The following DIP2B variants were observed in gnomAD, a reference collection of about 807,000 sequenced individuals.
DIP2B encodes disco-interacting protein 2 homolog B.
DIP2B carries 76 observed loss-of-function variants against 198.0 expected under a neutral mutation model. That is an observed-to-expected ratio of 0.38 (90% confidence interval 0.32 to 0.46). DIP2B has a LOEUF of 0.46. Among genes scored for constraint, DIP2B ranks in the 20% least tolerant of loss-of-function variants. The pLI, the probability that DIP2B is intolerant of heterozygous loss-of-function variation, is 0.99. For synonymous variants in DIP2B, 701 were observed against 739.1 expected, an observed-to-expected ratio of 0.95 and a Z score of 0.84; for missense variants, 1,559 against 1,978.4, an observed-to-expected ratio of 0.79 and a Z score of 4.02.
chr12:50,739,300 T>G, intron 35 of DIP2B, 109 bp from the exon 36 acceptor site: 1 of 1,243,990 alleles, frequency 8.0e-7, no homozygotes, highest in Non-Finnish European at 1.1e-6. Context: ...TGCAGTTGTG[T>G]TGTTGTTAAT....
chr12:50,695,383 C>T (rs1487797772), intron 15 of DIP2B, 23 bp downstream of exon 15: 1 of 1,581,938 alleles, frequency 6.3e-7, no homozygotes, highest in Non-Finnish European at 8.7e-7. Context: ...AACATCTGAG[C>T]TTTAATTATG....
intron 9 of DIP2B, among the ~76,000 whole-genome samples, chr12:50,682,288 G>A (rs1358395633): frequency 6.6e-6 from 1 of 152,122 alleles, no homozygotes; most frequent in Non-Finnish European, 1.5e-5. Flanking sequence ...TAGAACATTT[G>A]CATTGTTGGG....
chr12:50,539,032 G>A (rs1225960788), intron 1 of DIP2B, among the ~76,000 whole-genome samples: 5 of 152,034 alleles, frequency 3.3e-5, no homozygotes, highest in Admixed American at 6.6e-5. Flanking sequence ...GGATGCATGC[G>A]TGTTGAGCTT....
chr12:50,530,947 G>A (rs1958211475), intron 1 of DIP2B, among the ~76,000 whole-genome samples: 1 of 152,176 alleles, frequency 6.6e-6, no homozygotes, highest in Non-Finnish European at 1.5e-5. Context: ...TGGATTTGGA[G>A]TTCTGTAGAA....
chr12:50,652,970 G>A (rs1938484021), intron 3 of DIP2B, among the ~76,000 whole-genome samples: 1 of 151,262 alleles, frequency 6.6e-6, no homozygotes, highest in African/African-American at 2.4e-5. Flanking sequence ...AAGAAACGGG[G>A]TCTCCCTCTG....
At chr12:50,573,825 C>G (rs1240531255) in intron 1 of DIP2B, among the ~76,000 whole-genome samples, 1 of 152,214 alleles carries the variant, frequency 6.6e-6, no homozygotes, top group Non-Finnish European at 1.5e-5. Flanking sequence ...CATGAAATCA[C>G]TAAATTCATT....
At chr12:50,541,834 T>A (rs373590033) in intron 1 of DIP2B, among the ~76,000 whole-genome samples, 17 of 151,018 alleles carry the variant, frequency 1.1e-4, no homozygotes, top group African/African-American at 3.9e-4. Context: ...AAACCCAGTC[T>A]ACACTAAAAA....
Position 50,699,160 on chromosome 12 carries a change from G to A in DIP2B, c.2283G>A (p.Met761Ile). 1 of 1,614,214 alleles carries A rather than the reference G, an allele frequency of 6.2e-7. No homozygotes were observed. The highest frequency in any genetic ancestry group is 1.6e-4 in the Middle Eastern group (1 of 6,062). The stretch of plus-strand genomic sequence containing the variant: ...GTGTTAGCTCCAGAACTGGAGGCAT[G>A]ATGTACTTTGGGCTTGCTGGTGTGA... ...EICVSSRTGG[M>I]MYFGLAGVTK... is the part of the protein sequence containing the mutation. Residue 761 changes from methionine (M) to isoleucine (I), a missense_variant, in exon 19 of 38, where the codon ATG becomes ATA. Transcript: ENST00000301180.
At position 50,739,565 on chromosome 12, in the gene DIP2B, G is replaced by A. The variant is rs563888209; in HGVS notation, c.4333G>A (p.Glu1445Lys). Residue 1445 changes from glutamate to lysine, a missense_variant, in exon 36 of 38, where the codon GAG (glutamate) becomes AAG (lysine). Glu to Lys is a moderately conservative substitution (Grantham distance 56). Transcript: ENST00000301180. The part of the protein sequence containing the change: ...TGYLGFVRRT[E>K]LTAATGERHD... Reference sequence around the variant, plus strand: ...ATACCTTGGTTTTGTCCGCCGGACCGAGCTCACAGCGGCCACTGGAGGTAC... The same window carrying A: ...ATACCTTGGTTTTGTCCGCCGGACCAAGCTCACAGCGGCCACTGGAGGTAC... 1.1e-5 allele frequency: 17 copies of A among 1,613,926 alleles called. No homozygotes were observed. Among genetic ancestry groups the A allele is most frequent in the Middle Eastern group, 3.3e-4 (2 of 6,050 alleles).
chr12:50,648,660 GCC>G (rs66640586), intron 3 of DIP2B, among the ~76,000 whole-genome samples: 13 of 79,166 alleles, frequency 1.6e-4, no homozygotes, highest in African/African-American at 5.2e-4. Context: ...ACCACGCCCA[GCC>G]CCCTTTTTTT....
chr12:50,577,993 A>G (rs969133020), intron 1 of DIP2B, among the ~76,000 whole-genome samples: 1 of 152,190 alleles, frequency 6.6e-6, no homozygotes, highest in Non-Finnish European at 1.5e-5. Context: ...ACTGTGTTAC[A>G]TTTAGATTCA....
At chr12:50,549,304 T>G (rs1431773906) in intron 1 of DIP2B, among the ~76,000 whole-genome samples, 2 of 151,922 alleles carry the variant, frequency 1.3e-5, no homozygotes, top group Admixed American at 6.6e-5. Context: ...CCGTCTCTAC[T>G]AAAAATACAA....
intron 30 of DIP2B, among the ~76,000 whole-genome samples, chr12:50,731,110 A>T (rs2139597621): frequency 6.6e-6 from 1 of 152,360 alleles, no homozygotes; most frequent in Admixed American, 6.5e-5. Context: ...GTTTAGTATC[A>T]TCTTGACCAT....
chr12:50,551,383 A>G (rs1483014843), intron 1 of DIP2B, among the ~76,000 whole-genome samples: 1 of 152,152 alleles, frequency 6.6e-6, no homozygotes, highest in East Asian at 1.9e-4. Context: ...AGATCAAGCC[A>G]CTGCACTCCA....
intron 19 of DIP2B, 146 bp from the exon 20 acceptor site, chr12:50,703,994 T>C: frequency 1.9e-6 from 1 of 524,364 alleles, no homozygotes; most frequent in Non-Finnish European, 3.2e-6. Context: ...ATTGTAATTA[T>C]TTCTTATCTC....
intron 1 of DIP2B, among the ~76,000 whole-genome samples, chr12:50,575,982 T>G (rs1439444249): frequency 1.3e-5 from 2 of 152,018 alleles, no homozygotes; most frequent in Non-Finnish European, 2.9e-5. Flanking sequence ...GGTCTCAAAC[T>G]CCTGACCTTA....
chr12:50,723,126 G>A, intron 26 of DIP2B, 76 bp from the exon 27 acceptor site: 1 of 1,573,196 alleles, frequency 6.4e-7, no homozygotes, highest in African/African-American at 1.4e-5. Context: ...TAATTGTTTT[G>A]GAAAATTTGC....
chr12:50,551,487 G>T (rs974534389), intron 1 of DIP2B, among the ~76,000 whole-genome samples: 5 of 152,064 alleles, frequency 3.3e-5, no homozygotes, highest in African/African-American at 1.2e-4. Context: ...TTTGTTTCCC[G>T]GGCTGGCGTG....
intron 1 of DIP2B, among the ~76,000 whole-genome samples, chr12:50,556,176 G>A (rs1321438703): frequency 6.6e-6 from 1 of 151,428 alleles, no homozygotes; most frequent in Non-Finnish European, 1.5e-5. Flanking sequence ...CAGCCTCCCA[G>A]CCACCTGGGA....
Sources: gnomAD v4.1 joint callset for allele counts (sites outside exome capture counted in the v4.1 genomes callset) on GRCh38, gnomAD v4.1.1 for gene constraint, MANE v1.5 for transcripts, NCBI Gene and HGNC (gene_info 2026-07-23, HGNC 2026-07-21) for gene names.